Variants in FGF14 observed in about 807,000 individuals in gnomAD.
The protein encoded by FGF14 is fibroblast growth factor 14, also known as fibroblast growth factor homologous factor 4.
In FGF14, 5 loss-of-function variants were observed where a neutral mutation model predicts 25.5. That is an observed-to-expected ratio of 0.20 (90% CI 0.10 to 0.41). FGF14 has a LOEUF of 0.41. FGF14 is among the 10% of genes least tolerant of loss of function. FGF14 has a pLI of 1.00. For synonymous variants in FGF14, 138 were observed against 118.3 expected (o/e 1.17, Z -1.08); for missense variants, 222 against 320.1 (o/e 0.69, Z 2.34).
intron 1 of FGF14, among the ~76,000 whole-genome samples, chr13:102,073,321 G>C (rs1340014819): frequency 6.6e-6 from 1 of 152,152 alleles, no homozygotes; most frequent in Non-Finnish European, 1.5e-5. Context: ...CATTGTTGCA[G>C]TGGTTTCTGA....
intron 1 of FGF14, among the ~76,000 whole-genome samples, chr13:102,190,045 A>G (rs1043869746): frequency 2.0e-5 from 3 of 152,170 alleles, no homozygotes; most frequent in African/African-American, 7.2e-5. Flanking sequence ...GAGGGGACAC[A>G]CATCCAAAAC....
At chr13:101,888,013 T>C (rs1211368933) in intron 1 of FGF14, among the ~76,000 whole-genome samples, 2 of 152,134 alleles carry the variant, frequency 1.3e-5, no homozygotes, top group Non-Finnish European at 2.9e-5. Flanking sequence ...GATGATGGAA[T>C]GAAGTACCTT....
intron 1 of FGF14, among the ~76,000 whole-genome samples, chr13:102,007,446 AG>A (rs1351996044): frequency 6.6e-6 from 1 of 152,246 alleles, no homozygotes; most frequent in African/African-American, 2.4e-5. Flanking sequence ...TGTGGGAAAT[AG>A]GGCACATAAA....
chr13:101,897,732 A>G (rs2030912333), intron 1 of FGF14, among the ~76,000 whole-genome samples: 1 of 152,164 alleles, frequency 6.6e-6, no homozygotes, highest in Non-Finnish European at 1.5e-5. Flanking sequence ...AATTTTTACA[A>G]CAAAAATACT....
intron 3 of FGF14, among the ~76,000 whole-genome samples, chr13:101,760,564 G>A (rs988586223): frequency 6.2e-4 from 95 of 152,262 alleles, no homozygotes; most frequent in African/African-American, 2.1e-3. Context: ...ATCAAAAGCC[G>A]TCAGTGGCTC....
chr13:102,135,816 C>T lies in FGF14; in HGVS notation c.209-260520G>A, dbSNP rs189779731. Among the ~76,000 whole-genome samples the T allele has an allele frequency of 3.5e-3, 533 of 152,144 alleles. 8 individuals are homozygous for T. Among genetic ancestry groups the T allele is most frequent in the East Asian group, 6.8e-3 (35 of 5,166 alleles). On this transcript the variant is annotated intron_variant, in intron 1 of 4. Coordinates refer to the FGF14 transcript ENST00000376131. ...GACTACAAGCATGCATCACCACGCC[C>T]GGCTAATTTTTGTATTTTGAGTAGA...
At chr13:102,374,334 C>G (rs1221311426) in intron 1 of FGF14, among the ~76,000 whole-genome samples, 1 of 151,384 alleles carries the variant, frequency 6.6e-6, no homozygotes, top group Non-Finnish European at 1.5e-5. Context: ...AACACAGTAC[C>G]CACAAAAATG....
chr13:101,987,575 A>G (rs2038660488), intron 1 of FGF14, among the ~76,000 whole-genome samples: 1 of 152,070 alleles, frequency 6.6e-6, no homozygotes, highest in Admixed American at 6.6e-5. Flanking sequence ...AATTTATATA[A>G]GAAAGTTTAT....
At chr13:101,728,526 T>C (rs910541448) in intron 3 of FGF14, among the ~76,000 whole-genome samples, 1 of 152,208 alleles carries the variant, frequency 6.6e-6, no homozygotes, top group Admixed American at 6.5e-5. Flanking sequence ...TACATGTTCA[T>C]GCATTTATTG....
At chr13:101,965,906 A>G (rs1334106591) in intron 1 of FGF14, among the ~76,000 whole-genome samples, 2 of 152,210 alleles carry the variant, frequency 1.3e-5, no homozygotes, top group Admixed American at 6.5e-5. Context: ...GTGTCACTCC[A>G]TAAAGAAAAA....
intron 3 of FGF14, chr13:101,802,278 A>C: frequency 4.4e-6 from 1 of 228,402 alleles, no homozygotes; most frequent in East Asian, 1.2e-4. Flanking sequence ...GCAGACTGAC[A>C]TCACTAAGGC....
intron 1 of FGF14, among the ~76,000 whole-genome samples, chr13:102,352,567 C>T (rs2057314511): frequency 6.6e-6 from 1 of 152,082 alleles, no homozygotes; most frequent in Admixed American, 6.5e-5. Context: ...AATCCCAGCA[C>T]GTTGGGAGGC....
chr13:102,363,421 G>A (rs1178647974), intron 1 of FGF14, among the ~76,000 whole-genome samples: 1 of 152,110 alleles, frequency 6.6e-6, no homozygotes, highest in Admixed American at 6.6e-5. Flanking sequence ...TGGTCAACTG[G>A]GAAATCAGAA....
chr13:101,868,331 A>G (rs571314151), intron 3 of FGF14: 1 of 202,184 alleles, frequency 4.9e-6, no homozygotes, highest in Admixed American at 5.4e-5. Context: ...AAATATCCAC[A>G]CAATTTGAAT....
chr13:102,234,621 A>G (rs2051244804), intron 1 of FGF14, among the ~76,000 whole-genome samples: 1 of 152,208 alleles, frequency 6.6e-6, no homozygotes, highest in Non-Finnish European at 1.5e-5. Context: ...GCAATTTTCA[A>G]CATTTTTTTC....
At chr13:101,727,089 C>T (rs2035489361) in intron 3 of FGF14, among the ~76,000 whole-genome samples, 1 of 152,054 alleles carries the variant, frequency 6.6e-6, no homozygotes, top group Non-Finnish European at 1.5e-5. Flanking sequence ...GAAGACAATT[C>T]AACCAGAGTA....
chr13:101,969,945 T>C (rs2037493601), intron 1 of FGF14, among the ~76,000 whole-genome samples: 1 of 152,214 alleles, frequency 6.6e-6, no homozygotes, highest in Non-Finnish European at 1.5e-5. Flanking sequence ...ACATTCGTAA[T>C]TTATGGGTCA....
chr13:101,814,539 A>T (rs1340409710), intron 3 of FGF14, among the ~76,000 whole-genome samples: 1 of 152,226 alleles, frequency 6.6e-6, no homozygotes, highest in Admixed American at 6.5e-5. Context: ...CACTTTCATC[A>T]TTCTTAAAAA....
intron 3 of FGF14, among the ~76,000 whole-genome samples, chr13:101,828,331 T>C (rs2042499174): frequency 6.6e-6 from 1 of 152,184 alleles, no homozygotes; most frequent in South Asian, 2.1e-4. Context: ...TCATCGAGAA[T>C]TGAATATGCA....
Sources: allele counts gnomAD v4.1 joint callset (sites outside exome capture counted in the v4.1 genomes callset), GRCh38; gene constraint gnomAD v4.1.1; transcripts MANE v1.5; gene names NCBI Gene and HGNC (gene_info 2026-07-23, HGNC 2026-07-21).